Variants in ARID1B observed in about 807,000 individuals in gnomAD.
ARID1B encodes the protein AT-rich interactive domain-containing protein 1B.
In ARID1B, 30 loss-of-function variants were observed where a neutral mutation model predicts 212.3. The observed-to-expected ratio is 0.14, with a 90% CI of 0.11 to 0.19. The LOEUF (loss-of-function observed/expected upper bound fraction) is 0.19. Among genes scored for constraint, ARID1B ranks in the 10% least tolerant of loss-of-function variants. ARID1B has a pLI of 1.00. For synonymous variants in ARID1B, 1,402 were observed against 1,301.7 expected (o/e 1.08, Z -1.66); for missense variants, 2,891 against 3,204.0 (o/e 0.90, Z 2.36).
Position 157,098,431 on chromosome 6 carries a change from T to C in ARID1B, c.2492-12041T>C, listed in dbSNP as rs141915380. Reference sequence around the variant, plus strand: ...TTCCCTCCACAAGTGGGTTTTCACGTGGCCCAGTAGACCTTGGAATTGTAT... The same window carrying C: ...TTCCCTCCACAAGTGGGTTTTCACGCGGCCCAGTAGACCTTGGAATTGTAT... On this transcript the variant is annotated intron_variant, in intron 5 of 19. Transcript: ENST00000636930. Among the ~76,000 whole-genome samples, 261 of 152,338 alleles carry C rather than the reference T, an allele frequency of 1.7e-3. 1 individual carries two copies. Among genetic ancestry groups the C allele is most frequent in the African/African-American group, 6.1e-3 (253 of 41,578 alleles).
chr6:156,910,285 T>G (rs1397398641), intron 3 of ARID1B, among the ~76,000 whole-genome samples: 1 of 152,236 alleles, frequency 6.6e-6, no homozygotes, highest in Non-Finnish European at 1.5e-5. Flanking sequence ...GGTTAGCTTG[T>G]GGTTGCTATT....
chr6:156,956,048 C>T (rs539888052), intron 4 of ARID1B, among the ~76,000 whole-genome samples: 3 of 152,294 alleles, frequency 2.0e-5, no homozygotes, highest in African/African-American at 7.2e-5. Flanking sequence ...TCAGATAAAA[C>T]TGGCCTAGTC....
At chr6:156,925,584 A>G (rs1791149721) in intron 3 of ARID1B, among the ~76,000 whole-genome samples, 1 of 152,212 alleles carries the variant, frequency 6.6e-6, no homozygotes, top group Non-Finnish European at 1.5e-5. Flanking sequence ...GAAAATAAAT[A>G]ATATCCTGAA....
chr6:156,778,902 G>GGAA lies in ARID1B; in HGVS notation c.1224_1225insAGA (p.Gly408_Gly409insArg), dbSNP rs1647538889. 7.3e-7 allele frequency: 1 copy of GGAA among 1,368,928 alleles called. No homozygotes were observed. Among genetic ancestry groups the GGAA allele is most frequent in the Admixed American group, 3.7e-5 (1 of 27,318 alleles). 84.8% of individuals were successfully genotyped at this position (1,368,928 alleles called of 1,614,324 possible). On this transcript the variant is annotated inframe_insertion, in exon 1 of 20. Transcript: ENST00000636930. Reference sequence around the variant, plus strand: ...AGGAGGAGGCAGCGGAGGAGGAGGAGGAGGAGGAGGAGCAGGAGCAGGAGG... The same window carrying GGAA: ...AGGAGGAGGCAGCGGAGGAGGAGGAGGAAGAGGAGGAGGAGCAGGAGCAGGAGG...
intron 2 of ARID1B, among the ~76,000 whole-genome samples, chr6:156,830,317 C>T (rs899704391): frequency 5.9e-5 from 9 of 152,290 alleles, no homozygotes; most frequent in South Asian, 2.1e-4. Flanking sequence ...CAGGCTGGGG[C>T]GTCCCATGGT....
At chr6:157,100,309 A>G (rs79826294) in intron 5 of ARID1B, among the ~76,000 whole-genome samples, 2,507 of 152,316 alleles carry the variant, frequency 0.016, 89 homozygotes, top group African/African-American at 0.057. Context: ...AGACAGAGGC[A>G]CACACACCCC....
At chr6:157,038,818 T>G (rs962492272) in intron 4 of ARID1B, among the ~76,000 whole-genome samples, 3 of 152,192 alleles carry the variant, frequency 2.0e-5, no homozygotes, top group East Asian at 3.8e-4. Flanking sequence ...AGAAGATTAG[T>G]GTAGCCAGCA....
At chr6:156,810,060 A>T (rs1781457013) in intron 1 of ARID1B, among the ~76,000 whole-genome samples, 1 of 152,230 alleles carries the variant, frequency 6.6e-6, no homozygotes, top group South Asian at 2.1e-4. Context: ...CTGCTGCTTT[A>T]CATGTGAAAT....
At chr6:156,950,944 G>A (rs1277608232) in intron 4 of ARID1B, among the ~76,000 whole-genome samples, 1 of 151,922 alleles carries the variant, frequency 6.6e-6, no homozygotes, top group Non-Finnish European at 1.5e-5. Context: ...CCTCCCTAAT[G>A]AATTTTTTAA....
intron 4 of ARID1B, among the ~76,000 whole-genome samples, chr6:157,008,020 C>T (rs1779350326): frequency 6.6e-6 from 1 of 152,296 alleles, no homozygotes; most frequent in African/African-American, 2.4e-5. Context: ...TTAAATTAAG[C>T]AAAGAGCTTC....
chr6:156,801,257 G>A (rs183233046), intron 1 of ARID1B, among the ~76,000 whole-genome samples: 1 of 144,830 alleles, frequency 6.9e-6, no homozygotes, highest in African/African-American at 2.6e-5. Flanking sequence ...CTGGAGTGCA[G>A]TGGTGCAATC....
At chr6:157,095,954 C>T (rs931927105) in intron 5 of ARID1B, among the ~76,000 whole-genome samples, 3 of 152,174 alleles carry the variant, frequency 2.0e-5, no homozygotes, top group Non-Finnish European at 2.9e-5. Flanking sequence ...TAGAAGCCGA[C>T]GGAGGAACTA....
At position 156,828,227 on chromosome 6, in the gene ARID1B, A is replaced by C. The variant is rs187672889; in HGVS notation, c.1792-1000A>C. Among the ~76,000 whole-genome samples the C allele has an allele frequency of 5.9e-5, 9 of 152,058 alleles. No individual in the cohort carries two copies. In the East Asian group the frequency reaches 1.7e-3, roughly 29 times the overall value. ...TAGGTGCCTGCCACCACGCCTGGCT[A>C]AGTTTTTAATTTGTTGTAGAGACAG... On this transcript the variant is annotated intron_variant, in intron 1 of 19. Coordinates refer to ENST00000636930, the MANE Select transcript of ARID1B (RefSeq NM_001374828.1).
intron 2 of ARID1B, among the ~76,000 whole-genome samples, chr6:156,888,375 C>T (rs1424995871): frequency 3.3e-5 from 5 of 152,308 alleles, no homozygotes; most frequent in Non-Finnish European, 4.4e-5. Flanking sequence ...TTTAGAAACA[C>T]GAACATACTG....
chr6:156,859,989 G>A (rs926420056), intron 2 of ARID1B, among the ~76,000 whole-genome samples: 4 of 152,178 alleles, frequency 2.6e-5, no homozygotes, highest in African/African-American at 7.2e-5. Context: ...TTGGGTCACA[G>A]TACTGAGGCA....
At chr6:157,129,946 A>G (rs1788422565) in intron 6 of ARID1B, among the ~76,000 whole-genome samples, 1 of 152,184 alleles carries the variant, frequency 6.6e-6, no homozygotes, top group African/African-American at 2.4e-5. Context: ...AGGCAGACAG[A>G]TCATTTGAGG....
chr6:156,896,745 G>A (rs940079078), intron 2 of ARID1B, among the ~76,000 whole-genome samples: 1 of 152,054 alleles, frequency 6.6e-6, no homozygotes, highest in African/African-American at 2.4e-5. Flanking sequence ...CTGGCGTGGT[G>A]GCATGCACCT....
intron 4 of ARID1B, among the ~76,000 whole-genome samples, chr6:157,031,795 AT>A (rs1029361357): frequency 9.5e-4 from 140 of 146,712 alleles, no homozygotes; most frequent in Middle Eastern, 3.5e-3. Context: ...AACAAATGAA[AT>A]TTTTTTTTTT....
At chr6:157,193,038 C>A (rs1793491919) in intron 15 of ARID1B, among the ~76,000 whole-genome samples, 1 of 152,206 alleles carries the variant, frequency 6.6e-6, no homozygotes, top group Non-Finnish European at 1.5e-5. Flanking sequence ...CCTGGCCCTG[C>A]CTGTTCACCG....
Sources: gnomAD v4.1 joint callset for allele counts (sites outside exome capture counted in the v4.1 genomes callset) on GRCh38, gnomAD v4.1.1 for gene constraint, MANE v1.5 for transcripts, NCBI Gene and HGNC (gene_info 2026-07-23, HGNC 2026-07-21) for gene names.